UBTF: variants seen among roughly 807,000 people sequenced by gnomAD.
The protein encoded by UBTF is upstream binding transcription factor.
UBTF carries 8 observed loss-of-function variants against 112.3 expected under a neutral mutation model. The ratio of observed to expected loss-of-function variants is 0.07; its 90% CI spans 0.04 to 0.13. The LOEUF is 0.13. Ranked by LOEUF, UBTF falls within the 10% of genes least tolerant of loss-of-function variation. The pLI, the probability that UBTF is intolerant of heterozygous loss-of-function variation, is 1.00. For synonymous variants in UBTF, 417 were observed against 373.1 expected, an observed-to-expected ratio of 1.12 and a Z score of -1.36; for missense variants, 457 against 982.1, an observed-to-expected ratio of 0.47 and a Z score of 7.15.
intron 17 of UBTF, chr17:44,209,097 AGGTGGAGGT>A: frequency 3.6e-6 from 1 of 280,628 alleles, no homozygotes; most frequent in South Asian, 7.4e-5. Flanking sequence ...TGAACCTGGG[AGGTGGAGGT>A]TGCAGTGAGC....
Position 44,207,592 on chromosome 17 carries a change from G to C in UBTF, c.2031C>G (p.Ser677=). 1 of 1,613,928 alleles carries C rather than the reference G, an allele frequency of 6.2e-7. No homozygotes were observed. The highest frequency in any genetic ancestry group is 1.1e-5 in the South Asian group (1 of 91,066). Residue 677 remains serine (S), a synonymous_variant, in exon 20 of 21, where the codon TCC becomes TCG. Transcript: ENST00000436088. ...SRTTLQSKSE[S]EEDDEEDEDD... is the part of the protein sequence containing the mutation. ...CCTCATCCTCTTCATCATCCTCCTC[G>C]GACTCCTTGGAGGGATGGAGGCACA...
chr17:44,210,251 G>A lies in UBTF; in HGVS notation c.1516-17C>T. On this transcript the variant is annotated splice_polypyrimidine_tract_variant and intron_variant, in intron 14 of 20. Coordinates refer to ENST00000436088, the MANE Select transcript of UBTF (RefSeq NM_014233.4). ...CCGGTCATTCTGGGGACCAATAAGG[G>A]TATCAGCCGTGGGAGGGGTCACCCG... 1 of 1,614,232 alleles carries A rather than the reference G, an allele frequency of 6.2e-7. No individual in the cohort carries two copies. The highest frequency in any genetic ancestry group is 8.5e-7 in the Non-Finnish European group (1 of 1,180,042).
intron 3 of UBTF, chr17:44,216,280 A>C (rs2046841808): frequency 6.6e-6 from 4 of 606,960 alleles, no homozygotes; most frequent in Non-Finnish European, 1.2e-5. Flanking sequence ...GCATGCTAGC[A>C]CCTCCGTCAA....
chr17:44,211,936 G>A lies in UBTF; in HGVS notation c.842C>T (p.Thr281Ile), dbSNP rs1329786029. 1 of 1,614,034 alleles carries A rather than the reference G, an allele frequency of 6.2e-7. No individual in the cohort carries two copies. The highest frequency in any genetic ancestry group is 1.3e-5 in the African/African-American group (1 of 75,026). The change falls in exon 9 of 21, where the codon ACC becomes ATC. Residue 281 changes from threonine (T) to isoleucine (I), a missense_variant. Coordinates refer to ENST00000436088, the MANE Select transcript of UBTF (RefSeq NM_014233.4). The surrounding 1 kb of genome is among the most constrained non-coding windows in gnomAD (Gnocchi z 4.9). ...NISEEGITKS[T>I]LTKAERQLKD... ...GAGCTGGCGTTCGGCCTTGGTGAGG[G>A]TGGACTTGGTGATACCCTCCTCACT...
At chr17:44,218,070 A>T (rs2046936654) in intron 2 of UBTF, 102 bp downstream of exon 2, 2 of 1,144,322 alleles carry the variant, frequency 1.7e-6, no homozygotes, top group African/African-American at 1.5e-5. Context: ...CCCCCAGTTC[A>T]GTGTATGCAG....
At chr17:44,210,601 CTCGCCCCCGCCTGGTCTGCGGCGCTCA>C (rs1455242345) in intron 13 of UBTF, 128 bp from the exon 14 acceptor site, 16 of 1,394,666 alleles carry the variant, frequency 1.1e-5, no homozygotes, top group Non-Finnish European at 1.4e-5. Flanking sequence ...CCGCCTGGGG[CTCGCCCCCGCCTGGTCTGCGGCGCTCA>C]GCTGACAGCT....
At chr17:44,213,124 C>A (rs1050857988) in intron 6 of UBTF, 94 bp downstream of exon 6, 2 of 1,549,098 alleles carry the variant, frequency 1.3e-6, no homozygotes, top group South Asian at 1.2e-5. Context: ...CTCTTCCATG[C>A]CTCAGAGATG....
chr17:44,210,451 G>A lies in UBTF; in HGVS notation c.1382C>T (p.Ala461Val). Residue 461 changes from alanine (A) to valine (V), a missense_variant, in exon 14 of 21, where the codon GCG (alanine) becomes GTG (valine). Ala to Val is a moderately conservative substitution (Grantham distance 64, BLOSUM62 0). Transcript: ENST00000436088. ...CCTCTCCGACTGAGCCTTGAGCGCC[G>A]CCTCTCGGGCCTTGTACTTGGCCTG... is the stretch of plus-strand genomic sequence containing the variant. ...KKKAKYKARE[A>V]ALKAQSERKP... 7 of 1,611,532 alleles carry A rather than the reference G, an allele frequency of 4.3e-6. No individual in the cohort carries two copies. Among genetic ancestry groups the A allele is most frequent in the Non-Finnish European group, 5.9e-6 (7 of 1,179,640 alleles).
At chr17:44,215,050 AG>A (rs1426104600) in intron 5 of UBTF, among the ~76,000 whole-genome samples, 6 of 152,208 alleles carry the variant, frequency 3.9e-5, no homozygotes, top group African/African-American at 1.4e-4. Flanking sequence ...GACCTCTGCA[AG>A]GAACAGTATG....
chr17:44,219,792 A>T (rs1406993839), upstream of UBTF: 3 of 122,624 alleles, frequency 2.4e-5, no homozygotes, highest in African/African-American at 9.1e-5. Flanking sequence ...AGGAGGGAGA[A>T]GGGAGGAGGA....
At chr17:44,219,775 GGGGAGGAGGAGGGAGAA>G (rs961214315), upstream of UBTF, 2 of 153,362 alleles carry the variant, frequency 1.3e-5, no homozygotes, top group Non-Finnish European at 2.9e-5. Flanking sequence ...CCGCCGGAGC[GGGGAGGAGGAGGGAGAA>G]GGGAGGAGGA....
At chr17:44,210,278 G>A (rs952036730) in intron 14 of UBTF, 40 bp downstream of exon 14, 8 of 1,614,130 alleles carry the variant, frequency 5.0e-6, no homozygotes, top group Non-Finnish European at 6.8e-6. Flanking sequence ...GGTCACCCGG[G>A]GCTAGAGGCT....
rs1042703830 is a variant in UBTF at position 44,211,343 on chromosome 17, A to G, written c.1048-12T>C. The G allele has an allele frequency of 3.7e-6, 6 of 1,613,880 alleles. No individual in the cohort carries two copies. Among genetic ancestry groups the G allele is most frequent in the Non-Finnish European group, 5.1e-6 (6 of 1,179,990 alleles). ...TAATCTTTCTTTTTCTGGGAAAGTG[A>G]GTGGAGTCAGGATCAGTCTGGAGAC... On this transcript the variant is annotated splice_polypyrimidine_tract_variant and intron_variant, in intron 10 of 20. Transcript: ENST00000436088. This position sits in a 1 kb window ranked among gnomAD's most constrained non-coding sequence, Gnocchi z 4.9.
upstream of UBTF, among the ~76,000 whole-genome samples, chr17:44,220,132 G>A (rs1221391965): frequency 6.6e-6 from 1 of 150,612 alleles, no homozygotes. Context: ...CCGGATGGCG[G>A]CGGGGCTCGG....
At chr17:44,221,029 C>G (rs912371463), upstream of UBTF, 4 of 151,182 alleles carry the variant, frequency 2.6e-5, no homozygotes, top group African/African-American at 9.7e-5. Context: ...TCGCCTGGCC[C>G]CTCCGCCTCC....
intron 5 of UBTF, among the ~76,000 whole-genome samples, chr17:44,214,299 C>T (rs1380626537): frequency 6.6e-6 from 1 of 152,190 alleles, no homozygotes; most frequent in Non-Finnish European, 1.5e-5. Flanking sequence ...CATCTCAGTC[C>T]TCCTCAGACA....
chr17:44,208,043 G>T, intron 17 of UBTF, 132 bp from the exon 18 acceptor site: 2 of 1,032,410 alleles, frequency 1.9e-6, no homozygotes, highest in Non-Finnish European at 1.4e-6. Context: ...AGGCTCCCTA[G>T]ATTTTGGGTC....
At chr17:44,210,097 AT>A (rs763996120) in intron 15 of UBTF, 26 bp downstream of exon 15, 1 of 1,612,686 alleles carries the variant, frequency 6.2e-7, no homozygotes, top group Non-Finnish European at 8.5e-7. Flanking sequence ...CTTTCAATGA[AT>A]GGGGTGGCCC....
chr17:44,211,263 C>T lies in UBTF; in HGVS notation c.1089+27G>A, dbSNP rs2056659187. 6.2e-7 allele frequency: 1 copy of T among 1,614,116 alleles called. No homozygotes were observed. Among genetic ancestry groups the T allele is most frequent in the South Asian group, 1.1e-5 (1 of 91,094 alleles). ...CCTGCCAAGTCCCAGTCTTCTCTGCCCACTGCCCCACCGGAGGAACACTCA... is the reference window on the plus strand; with the variant it reads ...CCTGCCAAGTCCCAGTCTTCTCTGCTCACTGCCCCACCGGAGGAACACTCA... On this transcript the variant is annotated intron_variant, in intron 11 of 20. Transcript: ENST00000436088. This position sits in a 1 kb window ranked among gnomAD's most constrained non-coding sequence, Gnocchi z 4.9.
Sources: gnomAD v4.1 joint callset for allele counts (sites outside exome capture counted in the v4.1 genomes callset) on GRCh38, gnomAD v4.1.1 for gene constraint, Gnocchi (gnomAD v3.1) non-coding constraint, MANE v1.5 for transcripts, NCBI Gene and HGNC (gene_info 2026-07-23, HGNC 2026-07-21) for gene names.